MRPS27: variants seen among roughly 807,000 people sequenced by gnomAD.
MRPS27 encodes small ribosomal subunit protein mS27.
Under a neutral mutation model 48.9 loss-of-function variants are expected in MRPS27, and 43 were observed. The ratio of observed to expected loss-of-function variants is 0.88; its 90% CI spans 0.69 to 1.13. The LOEUF (loss-of-function observed/expected upper bound fraction) is 1.13. Among genes scored for constraint, MRPS27 ranks in the 50% most tolerant of loss-of-function variants. MRPS27 has a pLI of 0.00. For synonymous variants in MRPS27, 188 were observed against 171.9 expected (o/e 1.09, Z -0.73); for missense variants, 467 against 476.3 (o/e 0.98, Z 0.18).
chr5:72,278,315 C>A (rs777832081), intron 4 of MRPS27, among the ~76,000 whole-genome samples: 1 of 151,776 alleles, frequency 6.6e-6, no homozygotes, highest in Non-Finnish European at 1.5e-5. Context: ...TGGTGGCGAG[C>A]GCCTCTAGTC....
In MRPS27 at chr5:72,312,605, C is replaced by T. The variant is rs186098086; in HGVS notation, c.151+1476G>A. ...CCTTTGTTTCTCCTCTGTATCGTGG[C>T]GAAGGAATCATACTGATTTTTTTTT... On this transcript the variant is annotated intron_variant, in intron 2 of 10. Coordinates refer to ENST00000261413, the MANE Select transcript of MRPS27 (RefSeq NM_015084.3). 2.4e-4 allele frequency among the ~76,000 whole-genome samples: 36 copies of T among 151,322 alleles called. 1 individual carries two copies. In the Middle Eastern group the frequency reaches 0.014, roughly 58 times the overall value.
At chr5:72,241,559 T>C in intron 4 of MRPS27, 1 of 1,297,600 alleles carries the variant, frequency 7.7e-7, no homozygotes, top group Non-Finnish European at 1.1e-6. Context: ...TGGTGACTTT[T>C]TAAGCAGTTC....
At chr5:72,221,512 T>C (rs1747741342) in intron 10 of MRPS27, among the ~76,000 whole-genome samples, 1 of 152,148 alleles carries the variant, frequency 6.6e-6, no homozygotes, top group Non-Finnish European at 1.5e-5. Context: ...TAATTTCTTG[T>C]TTTAAACCAC....
chr5:72,315,259 A>G (rs922947806), intron 1 of MRPS27, among the ~76,000 whole-genome samples: 1 of 152,234 alleles, frequency 6.6e-6, no homozygotes, highest in Non-Finnish European at 1.5e-5. Context: ...AAAAAAAAAG[A>G]CAACCCAAAT....
rs115414721 is a variant in MRPS27, at chr5:72,221,971, C to T, written c.1006-823G>A. Reference sequence around the variant, plus strand: ...CTCTCATTAGAGAGAGGGCCACTTACGGGGCCAGCTGTAGCTTATACCACA... The same window carrying T: ...CTCTCATTAGAGAGAGGGCCACTTATGGGGCCAGCTGTAGCTTATACCACA... On this transcript the variant is annotated intron_variant, in intron 10 of 10. Coordinates refer to ENST00000261413, the MANE Select transcript of MRPS27 (RefSeq NM_015084.3). Among the ~76,000 whole-genome samples, 951 of 152,250 alleles carry T rather than the reference C, an allele frequency of 6.2e-3. 7 individuals are homozygous for T. Among genetic ancestry groups the T allele is most frequent in the African/African-American group, 0.019 (808 of 41,552 alleles).
chr5:72,312,868 T>C (rs965799599), intron 2 of MRPS27, among the ~76,000 whole-genome samples: 4 of 152,166 alleles, frequency 2.6e-5, no homozygotes, highest in African/African-American at 9.7e-5. Context: ...TCCACCAGCC[T>C]CAGCCTCCCA....
chr5:72,293,449 T>C lies in MRPS27; in HGVS notation c.281+2082A>G, dbSNP rs192989859. On this transcript the variant is annotated intron_variant, in intron 4 of 10. Transcript: ENST00000261413. ...ATTAAACAGTGGCTCAGATTTATGA[T>C]GGACAAGAGTCTTTTATTTGATCTA... Among the ~76,000 whole-genome samples, 328 of 152,330 alleles carry C rather than the reference T, an allele frequency of 2.2e-3. 3 individuals carry two copies. The highest frequency in any genetic ancestry group is 7.6e-4 in the Non-Finnish European group (52 of 68,038).
intron 4 of MRPS27, among the ~76,000 whole-genome samples, chr5:72,242,945 A>G (rs532522456): frequency 6.6e-6 from 1 of 152,318 alleles, no homozygotes; most frequent in African/African-American, 2.4e-5. Context: ...GCTGTAACAC[A>G]CTGGTTCTTC....
Position 72,220,946 on chromosome 5 carries a change from T to C in MRPS27, c.1208A>G (p.Glu403Gly), listed in dbSNP as rs954351078. 23 of 1,614,068 alleles carry C rather than the reference T, an allele frequency of 1.4e-5. No individual in the cohort carries two copies. Among genetic ancestry groups the C allele is most frequent in the Non-Finnish European group, 1.9e-5 (22 of 1,180,024 alleles). ...CTTTGCTGCTTTCTGAGCCTGGTAC[T>C]CCTGCTTCGCTTGCTCCCTCTGTTG... ...EQQQREQAKQ[E>G]YQAQKAAKAS... The change falls in exon 11 of 11, where the codon GAG becomes GGG. Residue 403 changes from glutamate to glycine, a missense_variant. Physicochemically the swap from Glu to Gly is moderately conservative, Grantham distance 98 (BLOSUM62 -2). Coordinates refer to ENST00000261413, the MANE Select transcript of MRPS27 (RefSeq NM_015084.3).
chr5:72,236,904 G>A (rs1055744467), intron 5 of MRPS27, among the ~76,000 whole-genome samples: 72 of 147,614 alleles, frequency 4.9e-4, no homozygotes, highest in African/African-American at 1.7e-3. Context: ...TGTTTTTACT[G>A]TTTTTCTTTT....
chr5:72,302,552 T>A (rs772164303), intron 2 of MRPS27, among the ~76,000 whole-genome samples: 1 of 152,324 alleles, frequency 6.6e-6, no homozygotes, highest in East Asian at 1.9e-4. Context: ...CTTTAAAAAA[T>A]TCCTCCTACT....
intron 4 of MRPS27, chr5:72,295,285 G>T (rs948692402): frequency 1.7e-5 from 6 of 346,624 alleles, no homozygotes; most frequent in African/African-American, 1.1e-4. Context: ...TTATAACATC[G>T]TATACAATAC....
At chr5:72,316,373 C>G (rs761175188) in intron 1 of MRPS27, among the ~76,000 whole-genome samples, 16 of 152,132 alleles carry the variant, frequency 1.1e-4, no homozygotes, top group African/African-American at 2.2e-4. Context: ...TTTGTTGTTT[C>G]TTTGTTTGTT....
chr5:72,286,606 G>A (rs952920605), intron 4 of MRPS27, among the ~76,000 whole-genome samples: 1 of 151,996 alleles, frequency 6.6e-6, no homozygotes, highest in Admixed American at 6.5e-5. Flanking sequence ...AATCTGTAGG[G>A]AAAGAAAGTA....
At chr5:72,280,577 C>A (rs948406798) in intron 4 of MRPS27, among the ~76,000 whole-genome samples, 5 of 152,062 alleles carry the variant, frequency 3.3e-5, no homozygotes, top group Admixed American at 6.6e-5. Flanking sequence ...TCTAAAAAAA[C>A]CAATAAAATA....
At chr5:72,312,473 A>G (rs958885976) in intron 2 of MRPS27, among the ~76,000 whole-genome samples, 1 of 152,138 alleles carries the variant, frequency 6.6e-6, no homozygotes, top group Admixed American at 6.5e-5. Context: ...CATGTCTATA[A>G]TTATTCCACA....
intron 3 of MRPS27, among the ~76,000 whole-genome samples, chr5:72,296,022 T>A (rs538581452): frequency 6.6e-6 from 1 of 152,198 alleles, no homozygotes; most frequent in African/African-American, 2.4e-5. Flanking sequence ...AACATAAACA[T>A]CTAAATTTAG....
At chr5:72,245,609 G>T (rs755250089) in intron 4 of MRPS27, among the ~76,000 whole-genome samples, 1 of 152,148 alleles carries the variant, frequency 6.6e-6, no homozygotes, top group African/African-American at 2.4e-5. Context: ...CAAAGGAATA[G>T]AATAGAAATA....
At chr5:72,287,447 C>T (rs540904901) in intron 4 of MRPS27, among the ~76,000 whole-genome samples, 1 of 152,288 alleles carries the variant, frequency 6.6e-6, no homozygotes, top group South Asian at 2.1e-4. Flanking sequence ...CAAGACCGGC[C>T]TTGCCAACAT....
Sources: allele counts gnomAD v4.1 joint callset (sites outside exome capture counted in the v4.1 genomes callset), GRCh38; gene constraint gnomAD v4.1.1; transcripts MANE v1.5; gene names NCBI Gene and HGNC (gene_info 2026-07-23, HGNC 2026-07-21).